Variants in SHLD1 observed in about 807,000 individuals in gnomAD.
SHLD1 encodes RINN1-REV7-interacting novel NHEJ regulator 3.
A neutral mutation model predicts 5.5 loss-of-function variants in SHLD1; 3 were observed. That is an observed-to-expected ratio of 0.54 (90% confidence interval 0.25 to 1.40). The LOEUF is 1.40. SHLD1 is among the 40% of genes most tolerant of loss of function. The pLI, the probability that SHLD1 is intolerant of heterozygous loss-of-function variation, is 0.15. For missense variants in SHLD1, 210 were observed against 244.4 expected (o/e 0.86, Z 0.94); for synonymous variants, 92 against 94.3 (o/e 0.98, Z 0.14).
Position 5,863,429 on chromosome 20 carries a change from T to G in SHLD1, c.584T>G (p.Phe195Cys). The change falls in exon 3 of 3, where the codon TTC becomes TGC. Residue 195 changes from phenylalanine (F) to cysteine (C), a missense_variant. Coordinates refer to ENST00000303142, the MANE Select transcript of SHLD1 (RefSeq NM_152504.4). ...GGACTGTCAAAGGATATTACTCATT[T>G]CCTCTTGCAGCAGAATGTAATGAAA... Reference protein sequence around the residue: ...NPGLSKDITHFLLQQNVMKDL With the variant: ...NPGLSKDITHCLLQQNVMKDL 1 of 1,610,034 alleles carries G rather than the reference T, an allele frequency of 6.2e-7. No individual in the cohort carries two copies. Among genetic ancestry groups the G allele is most frequent in the East Asian group, 2.2e-5 (1 of 44,878 alleles).
At chr20:5,812,057 C>CTTTTTCTTTTTCTTATTTTTTTCTTTT (rs1210912321) in intron 2 of SHLD1, among the ~76,000 whole-genome samples, 1 of 144,860 alleles carries the variant, frequency 6.9e-6, no homozygotes, top group Admixed American at 6.8e-5. Context: ...CTAGGAACTT[C>CTTTTTCTTTTTCTTATTTTTTTCTTTT]TTTTTCTTTT....
intron 2 of SHLD1, among the ~76,000 whole-genome samples, chr20:5,831,017 A>G (rs1349558729): frequency 6.6e-6 from 1 of 152,212 alleles, no homozygotes; most frequent in Non-Finnish European, 1.5e-5. Context: ...AGTAAAAAAA[A>G]ATCAGTTTGA....
chr20:5,821,428 G>A (rs1340583164), intron 2 of SHLD1, among the ~76,000 whole-genome samples: 2 of 152,108 alleles, frequency 1.3e-5, no homozygotes, highest in African/African-American at 2.4e-5. Context: ...CACGAGAATC[G>A]CTTGAACCAG....
At chr20:5,789,948 AG>A (rs1430446438) in intron 2 of SHLD1, among the ~76,000 whole-genome samples, 1 of 152,150 alleles carries the variant, frequency 6.6e-6, no homozygotes, top group East Asian at 1.9e-4. Context: ...GCCCCCGGGA[AG>A]GGGAGATTAA....
chr20:5,812,107 C>G (rs1306394737), intron 2 of SHLD1, among the ~76,000 whole-genome samples: 1 of 138,570 alleles, frequency 7.2e-6, no homozygotes, highest in Non-Finnish European at 1.6e-5. Flanking sequence ...TTTTTGAGGA[C>G]CCGACCTTTT....
At chr20:5,751,801 G>GT (rs35859739) in intron 1 of SHLD1, among the ~76,000 whole-genome samples, 61 of 151,968 alleles carry the variant, frequency 4.0e-4, no homozygotes, top group Non-Finnish European at 6.6e-4. Flanking sequence ...GTTATAGTTT[G>GT]TTTTTTTTAC....
intron 2 of SHLD1, among the ~76,000 whole-genome samples, chr20:5,823,510 C>G (rs918602723): frequency 6.6e-6 from 1 of 151,126 alleles, no homozygotes; most frequent in Non-Finnish European, 1.5e-5. Flanking sequence ...TGTAATGACG[C>G]GATCTCAGCT....
intron 2 of SHLD1, among the ~76,000 whole-genome samples, chr20:5,811,995 A>G (rs181776244): frequency 6.6e-6 from 1 of 152,222 alleles, no homozygotes; most frequent in East Asian, 1.9e-4. Flanking sequence ...TACTTAGTTC[A>G]TAGGATTGCT....
rs936742475 is a variant in SHLD1, at chr20:5,846,495, T to C, written c.179-16529T>C. ...AGATCCAACTCAATTGCTTTTCCTTTCTACTCACAAGTGCTGCTTACCATC... is the reference window on the plus strand; with the variant it reads ...AGATCCAACTCAATTGCTTTTCCTTCCTACTCACAAGTGCTGCTTACCATC... On this transcript the variant is annotated intron_variant, in intron 2 of 2. Transcript: ENST00000303142. 3.3e-5 allele frequency among the ~76,000 whole-genome samples: 5 copies of C among 152,238 alleles called. No homozygotes were observed. The East Asian group carries it at 9.6e-4, about 29-fold the overall frequency.
intron 2 of SHLD1, among the ~76,000 whole-genome samples, chr20:5,812,310 C>T (rs954110945): frequency 6.6e-6 from 1 of 152,040 alleles, no homozygotes; most frequent in Non-Finnish European, 1.5e-5. Context: ...TTCATCATGG[C>T]CTAGCATGAG....
chr20:5,845,596 T>C (rs1053374312), intron 2 of SHLD1, among the ~76,000 whole-genome samples: 1 of 152,258 alleles, frequency 6.6e-6, no homozygotes, highest in Non-Finnish European at 1.5e-5. Flanking sequence ...AGAATACCTT[T>C]GCGAAAACTG....
intron 2 of SHLD1, among the ~76,000 whole-genome samples, chr20:5,797,233 A>G (rs977278105): frequency 1.2e-4 from 19 of 152,178 alleles, no homozygotes; most frequent in Non-Finnish European, 2.6e-4. Flanking sequence ...AGTGATTAGT[A>G]TGCTTACATT....
At chr20:5,858,044 A>C (rs2088112866) in intron 2 of SHLD1, among the ~76,000 whole-genome samples, 1 of 150,098 alleles carries the variant, frequency 6.7e-6, no homozygotes, top group African/African-American at 2.5e-5. Context: ...GGTTGCAGTG[A>C]GCCAAGATCG....
intron 2 of SHLD1, among the ~76,000 whole-genome samples, chr20:5,812,087 TTTC>T (rs2087467334): frequency 1.3e-5 from 2 of 151,184 alleles, no homozygotes; most frequent in South Asian, 4.2e-4. Context: ...TTTCTTTTTT[TTTC>T]TTTTTTTTTT....
chr20:5,765,668 T>C (rs375785488), intron 1 of SHLD1, among the ~76,000 whole-genome samples: 3 of 152,268 alleles, frequency 2.0e-5, no homozygotes, highest in East Asian at 1.9e-4. Context: ...GGCCCAAGGT[T>C]GTTCACACCA....
At chr20:5,820,226 G>A (rs534630130) in intron 2 of SHLD1, among the ~76,000 whole-genome samples, 8 of 152,336 alleles carry the variant, frequency 5.3e-5, no homozygotes, top group South Asian at 2.1e-4. Flanking sequence ...GATTATAGGC[G>A]TGAGCCACCA....
chr20:5,856,100 C>T (rs1201062989), intron 2 of SHLD1, among the ~76,000 whole-genome samples: 1 of 152,160 alleles, frequency 6.6e-6, no homozygotes, highest in Non-Finnish European at 1.5e-5. Flanking sequence ...AGAATTAACC[C>T]TTTGCTGTTT....
chr20:5,823,976 C>T (rs976476305), intron 2 of SHLD1, among the ~76,000 whole-genome samples: 1 of 152,152 alleles, frequency 6.6e-6, no homozygotes, highest in Non-Finnish European at 1.5e-5. Flanking sequence ...GGCTCCAGTC[C>T]CATGCTTGCC....
chr20:5,780,952 A>T (rs556902517), intron 2 of SHLD1, among the ~76,000 whole-genome samples: 32 of 152,292 alleles, frequency 2.1e-4, no homozygotes, highest in African/African-American at 7.2e-4. Context: ...AGGACATGAG[A>T]CTTAAGAGCA....
Sources: allele counts gnomAD v4.1 joint callset (sites outside exome capture counted in the v4.1 genomes callset), GRCh38; gene constraint gnomAD v4.1.1; transcripts MANE v1.5; gene names NCBI Gene and HGNC (gene_info 2026-07-23, HGNC 2026-07-21).